SLC24A2: variants seen among roughly 807,000 people sequenced by gnomAD.
The protein encoded by SLC24A2 is sodium/potassium/calcium exchanger 2.
A neutral mutation model predicts 62.0 loss-of-function variants in SLC24A2; 36 were observed. That is an observed-to-expected ratio of 0.58 (90% confidence interval 0.44 to 0.77). SLC24A2 has a LOEUF of 0.77. Ranked by LOEUF, SLC24A2 falls within the 30% of genes least tolerant of loss-of-function variation. The pLI, the probability that SLC24A2 is intolerant of heterozygous loss-of-function variation, is 0.00. For synonymous variants in SLC24A2, 358 were observed against 294.0 expected, an observed-to-expected ratio of 1.22 and a Z score of -2.23; for missense variants, 846 against 817.9, an observed-to-expected ratio of 1.03 and a Z score of -0.42.
At chr9:19,595,699 T>A (rs1358586607) in intron 5 of SLC24A2, among the ~76,000 whole-genome samples, 1 of 151,908 alleles carries the variant, frequency 6.6e-6, no homozygotes, top group African/African-American at 2.4e-5. Flanking sequence ...CAGATGAATG[T>A]GAGAAGAGGA....
At chr9:19,567,873 T>A (rs1378717169) in intron 7 of SLC24A2, among the ~76,000 whole-genome samples, 4 of 152,146 alleles carry the variant, frequency 2.6e-5, no homozygotes, top group Non-Finnish European at 4.4e-5. Flanking sequence ...AGCAAAAACT[T>A]CATTCCTCTG....
At chr9:20,185,052 A>C in the SLC24A2 span, among the ~76,000 whole-genome samples, 16 of 152,306 alleles carry the variant, frequency 1.1e-4, no homozygotes, top group African/African-American at 3.8e-4. Context: ...AGCTGAACTT[A>C]CGCAAGCAGA....
At position 19,514,375 on chromosome 9, in the gene SLC24A2, G is replaced by A. The variant is rs937001588; in HGVS notation, c.*1778C>T. On this transcript the variant is annotated 3_prime_UTR_variant, in exon 11 of 11. Coordinates refer to ENST00000341998, the MANE Select transcript of SLC24A2 (RefSeq NM_020344.4). The stretch of plus-strand genomic sequence containing the variant: ...TGGTGAAATTTCCCATATGCCATAT[G>A]TACCAACTTAGACGTAGGATGGGTA... 2.6e-5 allele frequency: 4 copies of A among 152,204 alleles called. No individual in the cohort carries two copies. The highest frequency in any genetic ancestry group is 9.7e-5 in the African/African-American group (4 of 41,440). The allele number at this position is 152,204 out of a possible 1,614,324, so 9.4% of individuals were successfully genotyped here. A position where few individuals can be genotyped will look rare whatever the true frequency, so the allele number is the denominator to read the frequency against.
At chr9:20,104,167 T>G in the SLC24A2 span, among the ~76,000 whole-genome samples, 12 of 152,024 alleles carry the variant, frequency 7.9e-5, no homozygotes, top group Non-Finnish European at 1.3e-4. Context: ...TAAAAAGAAA[T>G]GAACAAAGCC....
At chr9:20,285,106 G>A in the SLC24A2 span, among the ~76,000 whole-genome samples, 1 of 152,130 alleles carries the variant, frequency 6.6e-6, no homozygotes, top group Non-Finnish European at 1.5e-5. Flanking sequence ...GAGGTGGCAC[G>A]TCATATTCAT....
chr9:20,166,768 C>G, the SLC24A2 span, among the ~76,000 whole-genome samples: 1 of 151,764 alleles, frequency 6.6e-6, no homozygotes, highest in African/African-American at 2.4e-5. Context: ...TGTTACTGTC[C>G]TTCATATTAA....
chr9:19,773,757 A>G (rs995718829), intron 2 of SLC24A2, among the ~76,000 whole-genome samples: 4 of 152,352 alleles, frequency 2.6e-5, no homozygotes, highest in Admixed American at 2.6e-4. Context: ...GCAAACCAAC[A>G]TCAGTCACAG....
At chr9:20,254,643 T>C in the SLC24A2 span, among the ~76,000 whole-genome samples, 423 of 152,248 alleles carry the variant, frequency 2.8e-3, 2 homozygotes, top group African/African-American at 8.0e-3. Flanking sequence ...ACTAAGTCCA[T>C]AGTGACCACC....
At chr9:20,246,035 G>C in the SLC24A2 span, among the ~76,000 whole-genome samples, 1 of 152,206 alleles carries the variant, frequency 6.6e-6, no homozygotes, top group South Asian at 2.1e-4. Flanking sequence ...ACTGTTCACA[G>C]AGAAGGAAAC....
chr9:20,010,953 G>T, the SLC24A2 span, among the ~76,000 whole-genome samples: 1 of 151,936 alleles, frequency 6.6e-6, no homozygotes, highest in Admixed American at 6.6e-5. Flanking sequence ...CATTTTTTAT[G>T]GCTGCATGGT....
chr9:19,858,312 T>A, the SLC24A2 span, among the ~76,000 whole-genome samples: 7 of 152,110 alleles, frequency 4.6e-5, no homozygotes, highest in Admixed American at 4.6e-4. Context: ...ATGAAAGATA[T>A]TGGAATTGGA....
At chr9:20,206,831 A>T in the SLC24A2 span, among the ~76,000 whole-genome samples, 65 of 150,822 alleles carry the variant, frequency 4.3e-4, no homozygotes, top group African/African-American at 1.5e-3. Flanking sequence ...TTTAAGTTCT[A>T]ACATAACAAA....
chr9:19,814,427 CAAT>C, the SLC24A2 span, among the ~76,000 whole-genome samples: 1 of 152,110 alleles, frequency 6.6e-6, no homozygotes, highest in Non-Finnish European at 1.5e-5. Flanking sequence ...GCTCATAAAA[CAAT>C]AATAACTTGG....
intron 7 of SLC24A2, among the ~76,000 whole-genome samples, chr9:19,563,764 A>T (rs1239943102): frequency 0.25 from 12,161 of 48,840 alleles, 3,222 homozygotes; most frequent in East Asian, 0.61. Flanking sequence ...CCTTCCTTTC[A>T]TCTGTAACAA....
the SLC24A2 span, among the ~76,000 whole-genome samples, chr9:20,222,367 G>A: frequency 5.9e-5 from 9 of 151,832 alleles, no homozygotes; most frequent in African/African-American, 1.4e-4. Flanking sequence ...AACAATCAAC[G>A]TAAGTATTTA....
the SLC24A2 span, among the ~76,000 whole-genome samples, chr9:19,991,297 G>A: frequency 5.3e-5 from 8 of 152,128 alleles, no homozygotes; most frequent in African/African-American, 1.7e-4. Flanking sequence ...GGAGTCTGAT[G>A]TTCGAGGGCA....
At chr9:19,963,553 G>A in the SLC24A2 span, among the ~76,000 whole-genome samples, 18 of 152,208 alleles carry the variant, frequency 1.2e-4, no homozygotes, top group African/African-American at 4.1e-4. Context: ...CAACAAGTGG[G>A]TGAAGGACAT....
At chr9:19,886,174 A>G in the SLC24A2 span, among the ~76,000 whole-genome samples, 1 of 152,214 alleles carries the variant, frequency 6.6e-6, no homozygotes, top group South Asian at 2.1e-4. Context: ...AAGTCGCCAC[A>G]CTGCTTTTCA....
rs569560970 is a variant in SLC24A2, at chr9:19,739,539, C to A, written c.930+46398G>T. On this transcript the variant is annotated intron_variant, in intron 2 of 10. Transcript: ENST00000341998. ...ACTTATACCATCACCTGATTTATGACAAAGGTGAAACTGCAGTGCAGTGAG... is the reference window on the plus strand; with the variant it reads ...ACTTATACCATCACCTGATTTATGAAAAAGGTGAAACTGCAGTGCAGTGAG... Among the ~76,000 whole-genome samples the A allele has an allele frequency of 2.7e-4, 41 of 152,176 alleles. 1 individual carries two copies. The South Asian group carries it at 8.5e-3, about 31-fold the overall frequency.
Sources: gnomAD v4.1 joint callset for allele counts (sites outside exome capture counted in the v4.1 genomes callset) on GRCh38, gnomAD v4.1.1 for gene constraint, MANE v1.5 for transcripts, NCBI Gene and HGNC (gene_info 2026-07-23, HGNC 2026-07-21) for gene names.